The following KCNMA1 variants were observed in gnomAD, a reference collection of about 807,000 sequenced individuals.
KCNMA1 encodes the protein potassium calcium-activated channel subfamily M alpha 1.
A neutral mutation model predicts 140.0 loss-of-function variants in KCNMA1; 29 were observed. The observed-to-expected ratio is 0.21, with a 90% CI of 0.15 to 0.28. The LOEUF (loss-of-function observed/expected upper bound fraction) is 0.28. KCNMA1 is among the 10% of genes least tolerant of loss of function. KCNMA1 has a pLI of 1.00. For synonymous variants in KCNMA1, 612 were observed against 611.9 expected, an observed-to-expected ratio of 1.00 and a Z score of 0.00; for missense variants, 880 against 1,602.2, an observed-to-expected ratio of 0.55 and a Z score of 7.70.
At chr10:77,252,525 T>TGTGTG (rs2059840784) in intron 2 of KCNMA1, among the ~76,000 whole-genome samples, 7 of 145,728 alleles carry the variant, frequency 4.8e-5, no homozygotes, top group Non-Finnish European at 7.5e-5. Context: ...TGATCAAGCT[T>TGTGTG]TGTGTGTGTG....
intron 4 of KCNMA1, 113 bp downstream of exon 4, chr10:77,184,710 G>A (rs756552276): frequency 3.0e-5 from 23 of 770,646 alleles, no homozygotes; most frequent in Middle Eastern, 2.3e-4. Context: ...ATGCGGGTGC[G>A]CTGTTTCTCC....
intron 20 of KCNMA1, 101 bp downstream of exon 20, chr10:76,969,873 C>T (rs2075496508): frequency 1.1e-6 from 1 of 893,760 alleles, no homozygotes; most frequent in Non-Finnish European, 1.9e-6. Context: ...CCCGGGCTTG[C>T]TGGGGAGGGG....
At chr10:77,242,899 TACACACACACACACAC>T (rs199668848) in intron 3 of KCNMA1, among the ~76,000 whole-genome samples, 4 of 111,666 alleles carry the variant, frequency 3.6e-5, no homozygotes, top group East Asian at 6.2e-4. Context: ...AATTGTTTCC[TACACACACACACACAC>T]ACACACACAC....
At chr10:77,013,325 C>G (rs895601627) in intron 17 of KCNMA1, among the ~76,000 whole-genome samples, 1 of 152,110 alleles carries the variant, frequency 6.6e-6, no homozygotes, top group South Asian at 2.1e-4. Flanking sequence ...TGCTGGGATT[C>G]AGCCAGCCCC....
At chr10:77,092,821 A>G (rs886161454) in intron 9 of KCNMA1, among the ~76,000 whole-genome samples, 1 of 152,216 alleles carries the variant, frequency 6.6e-6, no homozygotes, top group African/African-American at 2.4e-5. Flanking sequence ...AACTGAATGA[A>G]CATCAGCCAG....
chr10:77,568,411 G>A (rs2154560359), intron 1 of KCNMA1, among the ~76,000 whole-genome samples: 1 of 152,306 alleles, frequency 6.6e-6, no homozygotes, highest in South Asian at 2.1e-4. Context: ...TCATCCCTGG[G>A]ATGCAAGGCT....
rs191561161 is a variant in KCNMA1, at chr10:76,963,636, C to T, written c.2360+6338G>A. On this transcript the variant is annotated intron_variant, in intron 20 of 27. Coordinates refer to ENST00000286628, the MANE Select transcript of KCNMA1 (RefSeq NM_001161352.2). ...TGATTCTCTGTGACTCTGTGGAACT[C>T]GAGGCATTGTGTCAACACTTGATTC... 2.1e-3 allele frequency among the ~76,000 whole-genome samples: 315 copies of T among 152,232 alleles called. 1 individual carries two copies. Among genetic ancestry groups the T allele is most frequent in the Non-Finnish European group, 3.8e-3 (259 of 68,010 alleles).
At chr10:77,127,401 C>T (rs2097765468) in intron 5 of KCNMA1, among the ~76,000 whole-genome samples, 1 of 152,148 alleles carries the variant, frequency 6.6e-6, no homozygotes, top group African/African-American at 2.4e-5. Flanking sequence ...CTGCCCTGTA[C>T]AGACTTCAGC....
chr10:77,084,593 C>A (rs2096652366), intron 12 of KCNMA1, 44 bp downstream of exon 12: 1 of 1,481,164 alleles, frequency 6.8e-7, no homozygotes, highest in Non-Finnish European at 9.4e-7. Context: ...TGAACAGCCA[C>A]AGACTGCCAA....
intron 22 of KCNMA1, 31 bp from the exon 23 acceptor site, chr10:76,944,996 A>G (rs746122150): frequency 6.4e-7 from 1 of 1,574,504 alleles, no homozygotes; most frequent in South Asian, 1.1e-5. Flanking sequence ...AAAAAAACAG[A>G]GATGGGGGGA....
intron 1 of KCNMA1, among the ~76,000 whole-genome samples, chr10:77,489,414 C>A (rs1353990711): frequency 6.6e-6 from 1 of 152,022 alleles, no homozygotes; most frequent in Non-Finnish European, 1.5e-5. Context: ...TGGCTGACTG[C>A]AACCTCTGCC....
chr10:77,396,703 G>C (rs2096067500), intron 2 of KCNMA1, among the ~76,000 whole-genome samples: 1 of 152,138 alleles, frequency 6.6e-6, no homozygotes, highest in South Asian at 2.1e-4. Context: ...ACATATTTAG[G>C]GGGATAAAGA....
In KCNMA1 at chr10:77,336,880, G is replaced by A. The variant is rs758201608; in HGVS notation, c.540+66982C>T. Among the ~76,000 whole-genome samples the A allele has an allele frequency of 7.7e-4, 117 of 152,324 alleles. 2 individuals carry two copies. Among genetic ancestry groups the A allele is most frequent in the Non-Finnish European group, 6.2e-4 (42 of 68,026 alleles). The stretch of plus-strand genomic sequence containing the variant: ...CCCTACTGAAAGGAACAAGTGTGAT[G>A]GAGGGTGAATGAACCATTGTCAAAA... On this transcript the variant is annotated intron_variant, in intron 2 of 27. Coordinates refer to ENST00000286628, the MANE Select transcript of KCNMA1 (RefSeq NM_001161352.2).
chr10:77,058,545 A>G (rs932994388), intron 14 of KCNMA1, among the ~76,000 whole-genome samples: 1 of 152,144 alleles, frequency 6.6e-6, no homozygotes, highest in Non-Finnish European at 1.5e-5. Context: ...AAAAGAATTG[A>G]AATCATGCCA....
chr10:77,089,652 A>G (rs553591837), intron 10 of KCNMA1, among the ~76,000 whole-genome samples: 1 of 152,284 alleles, frequency 6.6e-6, no homozygotes, highest in African/African-American at 2.4e-5. Flanking sequence ...CACTTATTGA[A>G]GACTTACTGC....
rs180795434 is a variant in KCNMA1, at chr10:77,274,147, T to C, written c.541-22891A>G. The stretch of plus-strand genomic sequence containing the variant: ...TGCAGTTAAGGATCATGACAAGCCA[T>C]AAAAGATTTCTCCTAACTCTTTCAA... On this transcript the variant is annotated intron_variant, in intron 2 of 27. Coordinates refer to ENST00000286628, the MANE Select transcript of KCNMA1 (RefSeq NM_001161352.2). Among the ~76,000 whole-genome samples the C allele has an allele frequency of 1.0e-3, 152 of 152,284 alleles. 1 individual carries two copies. Among genetic ancestry groups the C allele is most frequent in the Middle Eastern group, 3.4e-3 (1 of 294 alleles).
intron 26 of KCNMA1, 199 bp downstream of exon 26, chr10:76,891,313 AAAGGGTTGCTATG>A: frequency 1.7e-6 from 1 of 593,550 alleles, no homozygotes; most frequent in Non-Finnish European, 3.0e-6. Context: ...AACTTATATC[AAAGGGTTGCTATG>A]AAGATTAAAA....
At chr10:77,068,421 A>G (rs572107881) in intron 14 of KCNMA1, among the ~76,000 whole-genome samples, 1 of 152,286 alleles carries the variant, frequency 6.6e-6, no homozygotes, top group East Asian at 1.9e-4. Context: ...GTGCTAGGAC[A>G]AAAACTTTGT....
At chr10:77,624,972 C>T (rs2092259577) in intron 1 of KCNMA1, among the ~76,000 whole-genome samples, 2 of 151,960 alleles carry the variant, frequency 1.3e-5, no homozygotes. Flanking sequence ...CCGTAAAGAA[C>T]ATGTCAGGGA....
Sources: gnomAD v4.1 joint callset for allele counts (sites outside exome capture counted in the v4.1 genomes callset) on GRCh38, gnomAD v4.1.1 for gene constraint, MANE v1.5 for transcripts, NCBI Gene and HGNC (gene_info 2026-07-23, HGNC 2026-07-21) for gene names.